The following ZNF69 variants were observed in gnomAD, a reference collection of about 807,000 sequenced individuals.
ZNF69 encodes the protein ZNF3.
In ZNF69, 47 loss-of-function variants were observed where a neutral mutation model predicts 50.9. The ratio of observed to expected loss-of-function variants is 0.92; its 90% CI spans 0.73 to 1.18. The LOEUF (loss-of-function observed/expected upper bound fraction) is 1.18. Among genes scored for constraint, ZNF69 ranks in the 50% most tolerant of loss-of-function variants. The pLI is 0.00. For synonymous variants in ZNF69, 216 were observed against 223.1 expected (o/e 0.97, Z 0.29); for missense variants, 717 against 675.1 (o/e 1.06, Z -0.69).
the ZNF69 span, among the ~76,000 whole-genome samples, chr19:11,929,232 C>T: frequency 1.1e-3 from 158 of 148,612 alleles, 2 homozygotes; most frequent in Non-Finnish European, 1.9e-3. Context: ...GGCGCGATCT[C>T]AGCTCACTGC....
intron 1 of ZNF69, among the ~76,000 whole-genome samples, chr19:11,889,364 G>C (rs1271708170): frequency 6.6e-6 from 1 of 152,200 alleles, no homozygotes; most frequent in Non-Finnish European, 1.5e-5. Flanking sequence ...AAGGAGGCCT[G>C]TCTCACCTCC....
chr19:11,919,699 A>C, the ZNF69 span, among the ~76,000 whole-genome samples: 1 of 152,154 alleles, frequency 6.6e-6, no homozygotes, highest in African/African-American at 2.4e-5. Flanking sequence ...TCACAATGGG[A>C]TGAGTAAGAA....
In ZNF69 at chr19:11,905,293, C is replaced by T. The variant is rs201646792; in HGVS notation, c.896C>T (p.Thr299Met). ...TATCGTAGACATGAAAGGATTCACA[C>T]GGGAGAGAAGGCTTATCAATGTAAG... ...RCYRRHERIH[T>M]GEKAYQCKEC... Residue 299 changes from threonine to methionine, a missense_variant, in exon 4 of 4, where the codon ACG becomes ATG. By Grantham distance (81) the Thr-to-Met change is moderately conservative. Transcript: ENST00000429654. 350 of 1,613,998 alleles carry T rather than the reference C, an allele frequency of 2.2e-4. No homozygotes were observed. Among genetic ancestry groups the T allele is most frequent in the South Asian group, 3.5e-4 (32 of 91,076 alleles).
the ZNF69 span, among the ~76,000 whole-genome samples, chr19:11,929,306 G>T: frequency 6.8e-6 from 1 of 148,134 alleles, no homozygotes. Flanking sequence ...TGGGATTACA[G>T]ACATGTGCCA....
chr19:11,943,952 C>T, the ZNF69 span, among the ~76,000 whole-genome samples: 1 of 151,998 alleles, frequency 6.6e-6, no homozygotes, highest in African/African-American at 2.4e-5. Context: ...GGTCCTGCCT[C>T]CCAGGAGCTG....
chr19:11,980,182 C>G, the ZNF69 span: 1 of 556,318 alleles, frequency 1.8e-6, no homozygotes, highest in Non-Finnish European at 3.1e-6. Flanking sequence ...GAGTTCAAGA[C>G]TGGCCTGATC....
chr19:11,937,490 CTT>C, the ZNF69 span, among the ~76,000 whole-genome samples: 33 of 129,012 alleles, frequency 2.6e-4, no homozygotes, highest in Non-Finnish European at 4.6e-4. Flanking sequence ...TTTTTCTTTC[CTT>C]TTTTTTTTTT....
chr19:11,912,494 TATC>T (rs375637246), intron 4 of ZNF69, among the ~76,000 whole-genome samples: 273 of 152,202 alleles, frequency 1.8e-3, no homozygotes, highest in African/African-American at 6.4e-3. Context: ...TTCTTTTCAA[TATC>T]ATGAAAGAAT....
At chr19:11,956,087 A>T in the ZNF69 span, among the ~76,000 whole-genome samples, 1 of 152,166 alleles carries the variant, frequency 6.6e-6, no homozygotes, top group Non-Finnish European at 1.5e-5. Context: ...CAAAATGAAG[A>T]TGCTTAATAG....
At chr19:11,915,249 T>C (rs956891519), downstream of ZNF69, among the ~76,000 whole-genome samples, 1 of 152,150 alleles carries the variant, frequency 6.6e-6, no homozygotes, top group African/African-American at 2.4e-5. Flanking sequence ...ATTCAACCCC[T>C]GCCTCATCCT....
At chr19:11,962,587 C>A in the ZNF69 span, among the ~76,000 whole-genome samples, 1 of 149,624 alleles carries the variant, frequency 6.7e-6, no homozygotes, top group Non-Finnish European at 1.5e-5. Flanking sequence ...TCTTGAACTC[C>A]CAGGCTCAAG....
the ZNF69 span, chr19:11,965,291 G>A: frequency 7.5e-6 from 12 of 1,598,516 alleles, no homozygotes; most frequent in Admixed American, 1.4e-4. Context: ...GCGGGACCCG[G>A]GCCTCCCTGC....
chr19:11,932,457 CTA>C, the ZNF69 span, among the ~76,000 whole-genome samples: 5 of 148,480 alleles, frequency 3.4e-5, no homozygotes, highest in Admixed American at 1.3e-4. Context: ...TAGAAACTAA[CTA>C]AAAGTATTAC....
downstream of ZNF69, among the ~76,000 whole-genome samples, chr19:11,907,998 A>G (rs925256013): frequency 6.6e-6 from 1 of 152,188 alleles, no homozygotes; most frequent in African/African-American, 2.4e-5. Flanking sequence ...CAAATGGAAA[A>G]CAAACAAAAA....
At chr19:11,961,909 G>A in the ZNF69 span, among the ~76,000 whole-genome samples, 12 of 145,986 alleles carry the variant, frequency 8.2e-5, no homozygotes, top group East Asian at 1.6e-3. Context: ...GAACCACCAC[G>A]CTTGGCCTCT....
the ZNF69 span, among the ~76,000 whole-genome samples, chr19:11,970,799 C>T: frequency 4.6e-5 from 7 of 152,096 alleles, no homozygotes; most frequent in African/African-American, 1.4e-4. Context: ...AGCATGGCAG[C>T]GCATGGCTAT....
At chr19:11,900,043 T>C (rs1445724273) in intron 1 of ZNF69, among the ~76,000 whole-genome samples, 8 of 152,110 alleles carry the variant, frequency 5.3e-5, no homozygotes. Flanking sequence ...AGCCTCTGCC[T>C]CCCGGGTTTA....
At position 11,893,145 on chromosome 19, in the gene ZNF69, A is replaced by G. The variant is rs186954371; in HGVS notation, c.63+5159A>G. 6.6e-5 allele frequency among the ~76,000 whole-genome samples: 10 copies of G among 152,298 alleles called. No homozygotes were observed. In the East Asian group the frequency reaches 1.9e-3, roughly 29 times the overall value. ...CCAGCTTTCCTGGCCTGACTTAGGT[A>G]GAAATTTTCTAGTTATGTAATCAGA... On this transcript the variant is annotated intron_variant, in intron 1 of 3. Transcript: ENST00000429654.
chr19:11,940,159 A>G, the ZNF69 span: 4 of 151,940 alleles, frequency 2.6e-5, no homozygotes, highest in African/African-American at 4.8e-5. Context: ...TCCAACTCCA[A>G]CCTCAGGTGA....
Sources: gnomAD v4.1 joint callset for allele counts (sites outside exome capture counted in the v4.1 genomes callset) on GRCh38, gnomAD v4.1.1 for gene constraint, MANE v1.5 for transcripts, NCBI Gene and HGNC (gene_info 2026-07-23, HGNC 2026-07-21) for gene names.